The following PAX7 variants were observed in gnomAD, a reference collection of about 807,000 sequenced individuals.
PAX7 encodes the protein paired box protein Pax-7.
A neutral mutation model predicts 50.7 loss-of-function variants in PAX7; 18 were observed. The ratio of observed to expected loss-of-function variants is 0.36; its 90% CI spans 0.25 to 0.53. The LOEUF (loss-of-function observed/expected upper bound fraction) is 0.53. PAX7 is among the 20% of genes least tolerant of loss of function. The pLI is 0.93. For synonymous variants in PAX7, 310 were observed against 290.4 expected (o/e 1.07, Z -0.69); for missense variants, 644 against 702.9 (o/e 0.92, Z 0.95).
chr1:18,642,571 G>A (rs1344000095), intron 4 of PAX7, among the ~76,000 whole-genome samples: 2 of 152,168 alleles, frequency 1.3e-5, no homozygotes, highest in East Asian at 3.9e-4. Context: ...CAGGATGAGG[G>A]TTAGAGGCGC....
intron 4 of PAX7, among the ~76,000 whole-genome samples, chr1:18,658,667 T>C (rs570811376): frequency 1.1e-3 from 164 of 152,360 alleles, no homozygotes; most frequent in Non-Finnish European, 2.1e-3. Flanking sequence ...CCCAGTTCTA[T>C]GGCAGGCTTC....
chr1:18,675,735 G>A (rs1187698567), intron 4 of PAX7, among the ~76,000 whole-genome samples: 2 of 152,104 alleles, frequency 1.3e-5, no homozygotes, highest in African/African-American at 4.8e-5. Context: ...GCTCAGAACG[G>A]GGCTCATACC....
chr1:18,645,723 GT>G (rs1325228585), intron 4 of PAX7, among the ~76,000 whole-genome samples: 1 of 150,898 alleles, frequency 6.6e-6, no homozygotes, highest in African/African-American at 2.4e-5. Context: ...AAGCCTCCTG[GT>G]TTCCTGAAAA....
At chr1:18,668,401 G>A (rs1302368718) in intron 4 of PAX7, among the ~76,000 whole-genome samples, 3 of 152,144 alleles carry the variant, frequency 2.0e-5, no homozygotes, top group African/African-American at 7.2e-5. Context: ...GTAAATGCTT[G>A]TTAAAAATAA....
chr1:18,680,878 C>T (rs2088888951), intron 4 of PAX7, among the ~76,000 whole-genome samples: 1 of 152,146 alleles, frequency 6.6e-6, no homozygotes, highest in African/African-American at 2.4e-5. Flanking sequence ...AGATTTTGAG[C>T]CGGGCGCGGT....
chr1:18,725,390 G>A (rs1440211764), intron 7 of PAX7, among the ~76,000 whole-genome samples: 2 of 151,688 alleles, frequency 1.3e-5, no homozygotes, highest in Non-Finnish European at 2.9e-5. Flanking sequence ...GGGGACCAGA[G>A]TCAAGGAGGC....
In PAX7 at chr1:18,726,008, G is replaced by A. The variant is rs1416445586; in HGVS notation, c.1156-9624G>A. On this transcript the variant is annotated intron_variant, in intron 7 of 8. Transcript: ENST00000420770. The surrounding 1 kb of genome is among the most constrained non-coding windows in gnomAD (Gnocchi z 4.8). ...TGTGTGTGTGTGCGCGCGCGCGCGT[G>A]CGCGCGTGTGTGTGCGTGTGTTTGT... Among the ~76,000 whole-genome samples, 1 of 150,732 alleles carries A rather than the reference G, an allele frequency of 6.6e-6. No homozygotes were observed. The highest frequency in any genetic ancestry group is 2.4e-5 in the African/African-American group (1 of 41,296).
chr1:18,668,605 A>G lies in PAX7; in HGVS notation c.587-23149A>G, dbSNP rs545353637. Reference sequence around the variant, plus strand: ...TGTGGTCCCAGCTACTCAGGAGGCTAAGGTGGGAGGATGGCATGAGCCTGG... The same window carrying G: ...TGTGGTCCCAGCTACTCAGGAGGCTGAGGTGGGAGGATGGCATGAGCCTGG... On this transcript the variant is annotated intron_variant, in intron 4 of 8. Coordinates refer to ENST00000420770, the MANE Select transcript of PAX7 (RefSeq NM_001135254.2). Among the ~76,000 whole-genome samples, 5 of 152,240 alleles carry G rather than the reference A, an allele frequency of 3.3e-5. No homozygotes were observed. In the South Asian group the frequency reaches 1.0e-3, roughly 32 times the overall value.
At chr1:18,737,626 G>A (rs561557160) in intron 8 of PAX7, among the ~76,000 whole-genome samples, 1 of 152,338 alleles carries the variant, frequency 6.6e-6, no homozygotes, top group African/African-American at 2.4e-5. Context: ...GTGTCAGTGG[G>A]CACATGTGAG....
At chr1:18,697,967 G>A (rs910318583) in intron 5 of PAX7, among the ~76,000 whole-genome samples, 5 of 152,038 alleles carry the variant, frequency 3.3e-5, no homozygotes, top group Middle Eastern at 3.2e-3. Context: ...GGAGAAGGTG[G>A]GAATAAAGAA....
At chr1:18,740,967 A>T (rs564734861) in intron 8 of PAX7, among the ~76,000 whole-genome samples, 2 of 152,204 alleles carry the variant, frequency 1.3e-5, no homozygotes, top group African/African-American at 4.8e-5. Context: ...TAGAGAGTCA[A>T]ATGATGGTTA....
rs77015627 is a variant in PAX7, at chr1:18,675,454, T to C, written c.587-16300T>C. ...GGAACAGAGGCTCAGAGAGACCACC[T>C]ACCTGGCCAAGGTGACATAGCATGT... On this transcript the variant is annotated intron_variant, in intron 4 of 8. Transcript: ENST00000420770. Among the ~76,000 whole-genome samples the C allele has an allele frequency of 6.9e-3, 1,053 of 152,284 alleles. 6 individuals carry two copies. The highest frequency in any genetic ancestry group is 0.014 in the Middle Eastern group (4 of 294).
At chr1:18,696,065 CTTTT>C (rs386366372) in intron 5 of PAX7, among the ~76,000 whole-genome samples, 2 of 128,904 alleles carry the variant, frequency 1.6e-5, no homozygotes, top group Non-Finnish European at 3.3e-5. Flanking sequence ...CATTTCTTTT[CTTTT>C]TTTTTTTTTT....
chr1:18,653,003 G>C (rs1423149118), intron 4 of PAX7, among the ~76,000 whole-genome samples: 2 of 152,198 alleles, frequency 1.3e-5, no homozygotes, highest in Admixed American at 1.3e-4. Context: ...GCCAGTCATT[G>C]AATCTGGTAC....
At chr1:18,694,511 T>TAAA (rs1557535044) in intron 5 of PAX7, among the ~76,000 whole-genome samples, 1 of 138,598 alleles carries the variant, frequency 7.2e-6, no homozygotes, top group Non-Finnish European at 1.6e-5. Flanking sequence ...TAAATAAATA[T>TAAA]AAAATAAAAT....
chr1:18,657,992 C>A (rs139560033), intron 4 of PAX7, among the ~76,000 whole-genome samples: 1 of 152,162 alleles, frequency 6.6e-6, no homozygotes, highest in Non-Finnish European at 1.5e-5. Context: ...CCAGGGCCGA[C>A]GCATGAATAC....
chr1:18,727,943 G>A (rs1293956872), intron 7 of PAX7, among the ~76,000 whole-genome samples: 1 of 151,954 alleles, frequency 6.6e-6, no homozygotes, highest in African/African-American at 2.4e-5. Context: ...AGCACCCGAA[G>A]CCTATTACCG....
chr1:18,725,302 G>GCCCCCCCCCCCCCCCCC lies in PAX7; in HGVS notation c.1156-10320_1156-10319insCCCCCCCCCCCCCCCCC, dbSNP rs3216186. Among the ~76,000 whole-genome samples the GCCCCCCCCCCCCCCCCC allele has an allele frequency of 5.6e-5, 6 of 106,356 alleles. 1 individual carries two copies. The highest frequency in any genetic ancestry group is 9.2e-5 in the Admixed American group (1 of 10,844). 69.8% of individuals were successfully genotyped at this position (106,356 alleles called of 152,430 possible). A position where few individuals can be genotyped will look rare whatever the true frequency, so the allele number is the denominator to read the frequency against. On this transcript the variant is annotated intron_variant, in intron 7 of 8. Transcript: ENST00000420770. Reference sequence around the variant, plus strand: ...CTCCACCAATTACAGAGGTGGAGACGCCCCCCCCCCGCCCCACCAACACCG... The same window carrying GCCCCCCCCCCCCCCCCC: ...CTCCACCAATTACAGAGGTGGAGACGCCCCCCCCCCCCCCCCCCCCCCCCCCCGCCCCACCAACACCG...
intron 8 of PAX7, 46 bp from the exon 9 acceptor site, chr1:18,744,768 A>T: frequency 1.7e-6 from 2 of 1,167,080 alleles, no homozygotes; most frequent in South Asian, 2.6e-5. Context: ...TGGAAGAATA[A>T]ACAAAAAGAA....
Sources: gnomAD v4.1 joint callset for allele counts (sites outside exome capture counted in the v4.1 genomes callset) on GRCh38, gnomAD v4.1.1 for gene constraint, Gnocchi (gnomAD v3.1) non-coding constraint, MANE v1.5 for transcripts, NCBI Gene and HGNC (gene_info 2026-07-23, HGNC 2026-07-21) for gene names.